Variants in AKR1E2 observed in about 807,000 individuals in gnomAD.
AKR1E2 encodes the protein aldo-keto reductase family 1 member E2.
In AKR1E2, 43 loss-of-function variants were observed where a neutral mutation model predicts 41.9. That is an observed-to-expected ratio of 1.03 (90% CI 0.80 to 1.32). The LOEUF is 1.32. Among genes scored for constraint, AKR1E2 ranks in the 40% most tolerant of loss-of-function variants. The probability of loss-of-function intolerance (pLI) is 0.00; values close to 1 mark genes in which losing one functional copy is unlikely to be tolerated. For missense variants in AKR1E2, 423 were observed against 396.5 expected (o/e 1.07, Z -0.57); for synonymous variants, 121 against 138.9 (o/e 0.87, Z 0.91).
At chr10:4,845,661 C>CTT in intron 8 of AKR1E2, 1 of 461,748 alleles carries the variant, frequency 2.2e-6, no homozygotes, top group South Asian at 1.6e-5. Flanking sequence ...CCACATCGCC[C>CTT]CAGTTCTGCC....
upstream of AKR1E2, chr10:4,825,160 G>A: frequency 2.8e-6 from 1 of 352,282 alleles, no homozygotes. Flanking sequence ...TTGGGTGGGA[G>A]GCAGGGGGAC....
the AKR1E2 span, among the ~76,000 whole-genome samples, chr10:4,857,241 ATGTTCAATTGTAATCCCCAG>A: frequency 6.6e-6 from 1 of 152,266 alleles, no homozygotes; most frequent in African/African-American, 2.4e-5. Flanking sequence ...CCCAAATCTC[ATGTTCAATTGTAATCCCCAG>A]TGTTGGAGGT....
chr10:4,850,552 G>T (rs1215197996), downstream of AKR1E2, among the ~76,000 whole-genome samples: 1 of 152,208 alleles, frequency 6.6e-6, no homozygotes, highest in Admixed American at 6.5e-5. Context: ...GCTTACAGTC[G>T]CATCAGCAAT....
chr10:4,833,619 C>A, intron 3 of AKR1E2, 153 bp downstream of exon 3: 2 of 697,606 alleles, frequency 2.9e-6, no homozygotes, highest in Non-Finnish European at 2.6e-6. Flanking sequence ...TTTGGGCAGT[C>A]CTCTTGATAT....
chr10:4,828,944 G>T (rs149193857), intron 1 of AKR1E2, among the ~76,000 whole-genome samples: 2 of 152,014 alleles, frequency 1.3e-5, no homozygotes, highest in African/African-American at 4.8e-5. Context: ...CTGTTAATTT[G>T]TGTTACATTT....
intron 1 of AKR1E2, 46 bp from the exon 2 acceptor site, chr10:4,830,629 G>T: frequency 1.2e-6 from 2 of 1,605,058 alleles, no homozygotes; most frequent in South Asian, 2.2e-5. Context: ...ATTTGTGTTG[G>T]ATTCCTCTGA....
the AKR1E2 span, among the ~76,000 whole-genome samples, chr10:4,865,521 A>G: frequency 5.9e-5 from 9 of 152,204 alleles, no homozygotes; most frequent in African/African-American, 2.2e-4. Context: ...AAAATTCCAA[A>G]AGCCAGTAAG....
rs529135123 is a variant in AKR1E2, at chr10:4,841,801, A to G, written c.697A>G (p.Ile233Val). Residue 233 changes from isoleucine to valine, a missense_variant, in exon 7 of 10, where the codon ATA becomes GTA. Coordinates refer to ENST00000298375, the MANE Select transcript of AKR1E2 (RefSeq NM_001040177.3). Reference protein sequence around the residue: ...LGGSCEGVDLIDNPVIKRIAK... With the variant: ...LGGSCEGVDLVDNPVIKRIAK... ...TCTCTCTAGTGAGGGGGTTGACCTG[A>G]TAGACAACCCTGTGATCAAGAGGAT... 3.1e-6 allele frequency: 5 copies of G among 1,612,984 alleles called. No individual in the cohort carries two copies. Among genetic ancestry groups the G allele is most frequent in the East Asian group, 2.2e-5 (1 of 44,834 alleles).
chr10:4,840,962 C>T (rs191403506), intron 6 of AKR1E2, among the ~76,000 whole-genome samples: 4 of 152,274 alleles, frequency 2.6e-5, no homozygotes, highest in African/African-American at 4.8e-5. Flanking sequence ...TTGGGAACCC[C>T]GAAAAGGCTG....
intron 5 of AKR1E2, among the ~76,000 whole-genome samples, chr10:4,839,339 A>G (rs1197163640): frequency 6.6e-6 from 1 of 152,230 alleles, no homozygotes; most frequent in Non-Finnish European, 1.5e-5. Context: ...GATCTTGGTG[A>G]CACAGAAAGA....
At chr10:4,835,332 C>T (rs927409812) in intron 3 of AKR1E2, among the ~76,000 whole-genome samples, 2 of 152,196 alleles carry the variant, frequency 1.3e-5, no homozygotes, top group African/African-American at 4.8e-5. Flanking sequence ...CTCTATAAGA[C>T]ATGAAGAAAA....
At position 4,839,721 on chromosome 10, in the gene AKR1E2, T is replaced by C; in HGVS notation, c.583-8T>C. The C allele has an allele frequency of 6.2e-7, 1 of 1,610,520 alleles. No homozygotes were observed. The highest frequency in any genetic ancestry group is 1.1e-5 in the South Asian group (1 of 90,996). On this transcript the variant is annotated splice_polypyrimidine_tract_variant and splice_region_variant and intron_variant, in intron 5 of 9. Coordinates refer to ENST00000298375, the MANE Select transcript of AKR1E2 (RefSeq NM_001040177.3). ...CTGAATTTTATGTAAGCTATGATTC[T>C]GTTATAGATTGAGTGCCACCCATAT...
intron 5 of AKR1E2, among the ~76,000 whole-genome samples, chr10:4,838,148 A>G (rs1178751853): frequency 6.6e-6 from 1 of 152,262 alleles, no homozygotes; most frequent in Non-Finnish European, 1.5e-5. Context: ...ATGGAACTGT[A>G]TAAATTCTCA....
chr10:4,840,828 C>T (rs1394322709), intron 6 of AKR1E2, among the ~76,000 whole-genome samples: 2 of 152,280 alleles, frequency 1.3e-5, no homozygotes, highest in African/African-American at 4.8e-5. Flanking sequence ...ATGTTTCTTA[C>T]ACAGCCCTTG....
At chr10:4,863,862 A>G in the AKR1E2 span, among the ~76,000 whole-genome samples, 34,295 of 152,120 alleles carry the variant, frequency 0.23, 4,083 homozygotes, top group Middle Eastern at 0.34. Context: ...AAAATCTAGA[A>G]GAAATGGATA....
rs1034907653 is a variant in AKR1E2, at chr10:4,835,666, T to C, written c.325-9T>C. ...TGTTTTCACACATCTCAACTCTCCT[T>C]CTTCGCAGCCTCCTCATCCAGAATG... is the stretch of plus-strand genomic sequence containing the variant. On this transcript the variant is annotated splice_polypyrimidine_tract_variant and intron_variant, in intron 3 of 9. Coordinates refer to ENST00000298375, the MANE Select transcript of AKR1E2 (RefSeq NM_001040177.3). The C allele has an allele frequency of 6.2e-7, 1 of 1,613,576 alleles. No individual in the cohort carries two copies. Among genetic ancestry groups the C allele is most frequent in the Non-Finnish European group, 8.5e-7 (1 of 1,179,872 alleles).
At chr10:4,852,180 C>T (rs1035917851), downstream of AKR1E2, among the ~76,000 whole-genome samples, 7 of 152,148 alleles carry the variant, frequency 4.6e-5, no homozygotes, top group Non-Finnish European at 7.3e-5. Flanking sequence ...GTGAGTCACA[C>T]GAGTTCAAGC....
the AKR1E2 span, among the ~76,000 whole-genome samples, chr10:4,857,112 C>T: frequency 1.3e-5 from 2 of 152,154 alleles, no homozygotes. Flanking sequence ...CCTTTTTATG[C>T]CTGGCTTATT....
intron 5 of AKR1E2, among the ~76,000 whole-genome samples, chr10:4,838,629 C>A (rs1320398192): frequency 1.3e-5 from 2 of 152,160 alleles, no homozygotes; most frequent in African/African-American, 4.8e-5. Context: ...GTATTCAGCA[C>A]CCAGAACAAG....
Sources: gnomAD v4.1 joint callset for allele counts (sites outside exome capture counted in the v4.1 genomes callset) on GRCh38, gnomAD v4.1.1 for gene constraint, MANE v1.5 for transcripts, NCBI Gene and HGNC (gene_info 2026-07-23, HGNC 2026-07-21) for gene names.